The following POLA2 variants were observed in gnomAD, a reference collection of about 807,000 sequenced individuals.
The protein encoded by POLA2 is DNA polymerase alpha subunit B.
Under a neutral mutation model 82.8 loss-of-function variants are expected in POLA2, and 47 were observed. That is an observed-to-expected ratio of 0.57 (90% CI 0.45 to 0.72). POLA2 has a LOEUF of 0.72. Ranked by LOEUF, POLA2 falls within the 30% of genes least tolerant of loss-of-function variation. The probability of loss-of-function intolerance (pLI) is 0.00; values close to 1 mark genes in which losing one functional copy is unlikely to be tolerated. For synonymous variants in POLA2, 287 were observed against 286.8 expected (o/e 1.00, Z -0.01); for missense variants, 634 against 728.1 (o/e 0.87, Z 1.49).
At chr11:65,279,682 C>A in intron 7 of POLA2, 56 bp downstream of exon 7, 2 of 1,165,408 alleles carry the variant, frequency 1.7e-6, no homozygotes, top group Non-Finnish European at 1.3e-6. Flanking sequence ...AAATCGATGA[C>A]CAAGAGGCAT....
chr11:65,267,672 C>A, intron 3 of POLA2, 104 bp downstream of exon 3: 2 of 704,002 alleles, frequency 2.8e-6, no homozygotes, highest in South Asian at 1.9e-5. Context: ...AGGCCGGGCA[C>A]GGTGGCTCAG....
chr11:65,302,974 T>C (rs1328494543), downstream of POLA2, among the ~76,000 whole-genome samples: 1 of 152,100 alleles, frequency 6.6e-6, no homozygotes, highest in Non-Finnish European at 1.5e-5. Flanking sequence ...GCCTCCCAAA[T>C]TGTTGGGACT....
chr11:65,272,376 C>T (rs535395821), intron 4 of POLA2, among the ~76,000 whole-genome samples: 2 of 152,156 alleles, frequency 1.3e-5, no homozygotes, highest in South Asian at 4.1e-4. Context: ...TTGCCTGACC[C>T]TTGTCAGGTC....
chr11:65,287,798 G>A lies in POLA2; in HGVS notation c.1089G>A (p.Leu363=), dbSNP rs963462942. 3.1e-6 allele frequency: 5 copies of A among 1,613,718 alleles called. No homozygotes were observed. Among genetic ancestry groups the A allele is most frequent in the Non-Finnish European group, 4.2e-6 (5 of 1,179,944 alleles). ...DSITYDPLLD[L]IAVINHDRPD... is the part of the protein sequence containing the mutation. ...TCACGTATGACCCCCTGCTTGACCT[G>A]ATTGCTGTCATCAACCATGACCGGC... is the stretch of plus-strand genomic sequence containing the variant. The change falls in exon 11 of 18, where the codon CTG becomes CTA. Residue 363 remains leucine (L), a synonymous_variant. Coordinates refer to ENST00000265465, the MANE Select transcript of POLA2 (RefSeq NM_002689.4).
At chr11:65,293,446 C>T (rs920735785) in intron 13 of POLA2, among the ~76,000 whole-genome samples, 2 of 151,912 alleles carry the variant, frequency 1.3e-5, no homozygotes, top group Non-Finnish European at 2.9e-5. Flanking sequence ...CCTATCTGTA[C>T]TAAAAATACA....
chr11:65,301,998 C>A (rs960102238), downstream of POLA2, among the ~76,000 whole-genome samples: 11 of 152,312 alleles, frequency 7.2e-5, no homozygotes, highest in African/African-American at 2.6e-4. Context: ...CGCCTCTTCC[C>A]GGGGCTCTAG....
chr11:65,268,911 CAT>C (rs956872991), intron 4 of POLA2, among the ~76,000 whole-genome samples, 182 bp downstream of exon 4: 9 of 152,290 alleles, frequency 5.9e-5, no homozygotes, highest in Admixed American at 4.6e-4. Flanking sequence ...TCCTTATAAA[CAT>C]ATAGTTATCC....
At chr11:65,304,103 T>TC (rs1462687231) in intron 8 of POLA2, among the ~76,000 whole-genome samples, 1 of 152,024 alleles carries the variant, frequency 6.6e-6, no homozygotes, top group Middle Eastern at 3.2e-3. Flanking sequence ...AACTTTTATT[T>TC]CCTAAACATG....
rs113796628 is a variant in POLA2, at chr11:65,284,773, C to T, written c.1006+2252C>T. Among the ~76,000 whole-genome samples the T allele has an allele frequency of 6.8e-3, 1,032 of 152,086 alleles. 13 individuals are homozygous for T. Among genetic ancestry groups the T allele is most frequent in the African/African-American group, 0.023 (958 of 41,506 alleles). ...AACTCCCAACCTCAGGTGATCTGCCCGCCTCGGCCTCCCAAAATGCTGGGA... is the reference window on the plus strand; with the variant it reads ...AACTCCCAACCTCAGGTGATCTGCCTGCCTCGGCCTCCCAAAATGCTGGGA... On this transcript the variant is annotated intron_variant, in intron 10 of 17. Coordinates refer to ENST00000265465, the MANE Select transcript of POLA2 (RefSeq NM_002689.4).
intron 5 of POLA2, among the ~76,000 whole-genome samples, chr11:65,277,666 C>G (rs921229767): frequency 1.4e-4 from 21 of 152,188 alleles, no homozygotes; most frequent in Admixed American, 1.3e-3. Flanking sequence ...ATACAATGCT[C>G]TGAAACCTGT....
intron 10 of POLA2, among the ~76,000 whole-genome samples, chr11:65,285,789 C>T (rs779144219): frequency 2.0e-5 from 3 of 151,994 alleles, no homozygotes; most frequent in Non-Finnish European, 4.4e-5. Flanking sequence ...CATGGAGATA[C>T]AGAATAAGAC....
At chr11:65,279,853 AT>A (rs1949621971) in intron 7 of POLA2, 1 of 472,714 alleles carries the variant, frequency 2.1e-6, no homozygotes, top group African/African-American at 2.0e-5. Flanking sequence ...AGTCTTGCAC[AT>A]AAGCAGAGAC....
At chr11:65,289,771 T>A (rs577797171) in intron 12 of POLA2, 28 bp from the exon 13 acceptor site, 2 of 1,491,126 alleles carry the variant, frequency 1.3e-6, no homozygotes, top group African/African-American at 2.8e-5. Context: ...ATCTGCCGTC[T>A]AAATCTGTCT....
chr11:65,263,055 G>A (rs766743349), intron 1 of POLA2, among the ~76,000 whole-genome samples: 2 of 152,112 alleles, frequency 1.3e-5, no homozygotes, highest in Non-Finnish European at 2.9e-5. Flanking sequence ...AAGCCTGGGA[G>A]ATGTGGAAGT....
intron 4 of POLA2, among the ~76,000 whole-genome samples, chr11:65,270,369 G>A (rs905927232): frequency 1.3e-5 from 2 of 152,284 alleles, no homozygotes; most frequent in African/African-American, 4.8e-5. Context: ...AAGAAAGAAG[G>A]TAAATAGTTT....
In POLA2 at chr11:65,297,280, C is replaced by T; in HGVS notation, c.*11C>T. ...GTCGTCAGGATCTGAGGCTTCTGTC[C>T]TCTGCTGTTCTCTGCTGTGTGGGCC... is the stretch of plus-strand genomic sequence containing the variant. On this transcript the variant is annotated 3_prime_UTR_variant, in exon 18 of 18. Transcript: ENST00000265465. 2 of 1,577,154 alleles carry T rather than the reference C, an allele frequency of 1.3e-6. No individual in the cohort carries two copies. The highest frequency in any genetic ancestry group is 1.7e-6 in the Non-Finnish European group (2 of 1,162,462).
In POLA2 at chr11:65,262,383, A is replaced by T. The variant is rs752504026; in HGVS notation, c.79+12A>T. On this transcript the variant is annotated intron_variant, in intron 1 of 17. Coordinates refer to ENST00000265465, the MANE Select transcript of POLA2 (RefSeq NM_002689.4). ...TCTAATTGAGAAATGTGAGTCCCGC[A>T]CCCCTCCCGCCCTGCAGCCGTGCTC... 1 of 1,604,666 alleles carries T rather than the reference A, an allele frequency of 6.2e-7. No individual in the cohort carries two copies. The highest frequency in any genetic ancestry group is 8.5e-7 in the Non-Finnish European group (1 of 1,174,790).
chr11:65,265,236 A>G (rs1350531845), intron 1 of POLA2, among the ~76,000 whole-genome samples: 1 of 144,868 alleles, frequency 6.9e-6, no homozygotes, highest in Non-Finnish European at 1.5e-5. Flanking sequence ...TCCAAAAAAA[A>G]AAGGGGGGGG....
At position 65,262,159 on chromosome 11, in the gene POLA2, T is replaced by A; in HGVS notation, c.-134T>A. The stretch of plus-strand genomic sequence containing the variant: ...CGGTCTGAGGTCTTGCTTGGGCCAG[T>A]CACCTCCTGTCACGGTCCGCGGAGG... On this transcript the variant is annotated 5_prime_UTR_variant, in exon 1 of 18. Coordinates refer to ENST00000265465, the MANE Select transcript of POLA2 (RefSeq NM_002689.4). The A allele has an allele frequency of 1.5e-6, 1 of 677,506 alleles. No homozygotes were observed. Among genetic ancestry groups the A allele is most frequent in the South Asian group, 1.6e-5 (1 of 62,356 alleles). The allele number at this position is 677,506 out of a possible 1,614,324, so 42.0% of individuals were successfully genotyped here. A position where few individuals can be genotyped will look rare whatever the true frequency, so the allele number is the denominator to read the frequency against.
Sources: gnomAD v4.1 joint callset for allele counts (sites outside exome capture counted in the v4.1 genomes callset) on GRCh38, gnomAD v4.1.1 for gene constraint, MANE v1.5 for transcripts, NCBI Gene and HGNC (gene_info 2026-07-23, HGNC 2026-07-21) for gene names.